Variants in AOPEP observed in about 807,000 individuals in gnomAD.
The protein encoded by AOPEP is aminopeptidase O.
In AOPEP, 77 loss-of-function variants were observed where a neutral mutation model predicts 98.1. The ratio of observed to expected loss-of-function variants is 0.78; its 90% CI spans 0.65 to 0.95. The LOEUF (loss-of-function observed/expected upper bound fraction) is 0.95, where lower values mean the gene tolerates loss of function less well. AOPEP is among the 40% of genes least tolerant of loss of function. AOPEP has a pLI of 0.00. For missense variants in AOPEP, 1,024 were observed against 1,024.7 expected (o/e 1.00, Z 0.01); for synonymous variants, 346 against 365.3 (o/e 0.95, Z 0.60).
intron 5 of AOPEP, among the ~76,000 whole-genome samples, chr9:94,822,850 G>A (rs1853560137): frequency 6.6e-6 from 1 of 152,142 alleles, no homozygotes; most frequent in Admixed American, 6.5e-5. Context: ...TTTTGTAGAT[G>A]AGGAAACTGA....
intron 5 of AOPEP, among the ~76,000 whole-genome samples, chr9:94,834,870 A>G (rs2041390045): frequency 6.6e-6 from 1 of 152,054 alleles, no homozygotes. Flanking sequence ...TAAAACAAAA[A>G]AGATTTTTTA....
At position 95,060,726 on chromosome 9, in the gene AOPEP, G is replaced by A; in HGVS notation, c.2148G>A (p.Glu716=). 2.5e-6 allele frequency: 4 copies of A among 1,614,048 alleles called. No individual in the cohort carries two copies. Among genetic ancestry groups the A allele is most frequent in the Admixed American group, 1.7e-5 (1 of 60,024 alleles). The change falls in exon 14 of 17, where the codon GAG becomes GAA. Residue 716 remains glutamate (E), a synonymous_variant. Transcript: ENST00000375315. ...LLPDQLVLLL[E]HLLEQKTLSP... is the part of the protein sequence containing the mutation. ...CAGACCAGCTGGTCTTGCTTCTGGA[G>A]CATCTCTTGGAGCAGAAGACTCTGA...
At chr9:94,728,100 C>T (rs1004467690) in intron 1 of AOPEP, among the ~76,000 whole-genome samples, 5 of 152,178 alleles carry the variant, frequency 3.3e-5, no homozygotes, top group Non-Finnish European at 7.3e-5. Flanking sequence ...ACAATAGTTG[C>T]ACACAATTTT....
At chr9:95,114,440 C>A in the AOPEP span, 1 of 688,454 alleles carries the variant, frequency 1.5e-6, no homozygotes, top group Non-Finnish European at 2.7e-6. Flanking sequence ...GCCTATTCAT[C>A]CTGACCTGCT....
At chr9:94,732,301 A>C (rs1293144248) in intron 1 of AOPEP, among the ~76,000 whole-genome samples, 2 of 151,486 alleles carry the variant, frequency 1.3e-5, no homozygotes, top group African/African-American at 4.9e-5. Context: ...TTCATCAAGT[A>C]AGAATGGGTA....
the AOPEP span, among the ~76,000 whole-genome samples, chr9:95,103,147 T>TC: frequency 6.6e-6 from 1 of 151,858 alleles, no homozygotes; most frequent in South Asian, 2.1e-4. Context: ...GGGAGGACTG[T>TC]CCCCCGCTCA....
intron 1 of AOPEP, among the ~76,000 whole-genome samples, chr9:94,747,710 T>C (rs947589482): frequency 3.9e-5 from 6 of 152,192 alleles, no homozygotes; most frequent in Non-Finnish European, 7.4e-5. Flanking sequence ...ATTAACTGTT[T>C]AAGGGTACCA....
rs2061099378 is a variant in AOPEP at position 94,994,521 on chromosome 9, C to T, written c.1978-10637C>T. Among the ~76,000 whole-genome samples the T allele has an allele frequency of 2.0e-5, 3 of 152,288 alleles. 1 individual carries two copies. In the South Asian group the frequency reaches 6.2e-4, roughly 32 times the overall value. On this transcript the variant is annotated intron_variant, in intron 11 of 16. Transcript: ENST00000375315. Reference sequence around the variant, plus strand: ...ATTTTACAGATGAAGAAACTGAAAACCAAATCTGTCTGACTTAAAAGCCTT... The same window carrying T: ...ATTTTACAGATGAAGAAACTGAAAATCAAATCTGTCTGACTTAAAAGCCTT...
chr9:94,988,989 A>G (rs1320009086), intron 11 of AOPEP, among the ~76,000 whole-genome samples: 1 of 151,540 alleles, frequency 6.6e-6, no homozygotes, highest in East Asian at 1.9e-4. Flanking sequence ...ACTCACTGCA[A>G]TCTCCGCCTC....
intron 10 of AOPEP, 25 bp downstream of exon 10, chr9:94,967,826 G>C: frequency 6.3e-7 from 1 of 1,587,250 alleles, no homozygotes; most frequent in Middle Eastern, 1.7e-4. Flanking sequence ...AGGAATTTTG[G>C]AATTAAGAGC....
intron 7 of AOPEP, among the ~76,000 whole-genome samples, chr9:94,929,428 C>A (rs2054925941): frequency 6.6e-6 from 1 of 152,252 alleles, no homozygotes. Context: ...AAATGCACCC[C>A]AGGGAGGGAG....
At chr9:95,095,398 C>T in the AOPEP span, among the ~76,000 whole-genome samples, 4 of 152,274 alleles carry the variant, frequency 2.6e-5, no homozygotes, top group South Asian at 4.1e-4. Flanking sequence ...CCTGCCGTCC[C>T]GTTCCCTGTG....
chr9:94,764,232 C>T (rs891179349), intron 2 of AOPEP, among the ~76,000 whole-genome samples: 2 of 152,206 alleles, frequency 1.3e-5, no homozygotes, highest in African/African-American at 4.8e-5. Context: ...AGATACATCC[C>T]AGTCAAGGGA....
At chr9:94,815,075 T>G (rs1851410428) in intron 5 of AOPEP, among the ~76,000 whole-genome samples, 1 of 152,202 alleles carries the variant, frequency 6.6e-6, no homozygotes, top group African/African-American at 2.4e-5. Flanking sequence ...AGGGCTTTCT[T>G]GGTCCCATAT....
the AOPEP span, among the ~76,000 whole-genome samples, chr9:95,117,053 G>A: frequency 6.6e-6 from 1 of 152,200 alleles, no homozygotes; most frequent in African/African-American, 2.4e-5. Flanking sequence ...GTGTTATCTG[G>A]AGGCAGACTA....
intron 7 of AOPEP, among the ~76,000 whole-genome samples, chr9:94,948,431 T>TTTTTTTTTTTTTTTTTTTTGAGACGGA (rs2057846509): frequency 6.6e-6 from 1 of 151,158 alleles, no homozygotes; most frequent in African/African-American, 2.5e-5. Flanking sequence ...TTCTAACTCT[T>TTTTTTTTTTTTTTTTTTTTGAGACGGA]GTAGTTCATC....
intron 5 of AOPEP, among the ~76,000 whole-genome samples, chr9:94,881,915 C>T (rs2047630779): frequency 6.6e-6 from 1 of 152,160 alleles, no homozygotes; most frequent in South Asian, 2.1e-4. Context: ...CTCAGGTTGG[C>T]TCCATTCTGC....
rs2137748247 is a variant in AOPEP, at chr9:94,948,230, G to T, written c.1662-6947G>T. ...CACCATTCCTTAGGCACAGACCTAAGGATCTCCATCCAGGTTATAGCAAAT... is the reference window on the plus strand; with the variant it reads ...CACCATTCCTTAGGCACAGACCTAATGATCTCCATCCAGGTTATAGCAAAT... On this transcript the variant is annotated intron_variant, in intron 7 of 16. Transcript: ENST00000375315. Among the ~76,000 whole-genome samples the T allele has an allele frequency of 2.6e-5, 4 of 152,066 alleles. No homozygotes were observed. In the Middle Eastern group the frequency reaches 0.01, roughly 388 times the overall value.
At chr9:95,044,819 G>T (rs1564566665) in intron 13 of AOPEP, among the ~76,000 whole-genome samples, 1 of 152,124 alleles carries the variant, frequency 6.6e-6, no homozygotes, top group African/African-American at 2.4e-5. Context: ...GTGCCCCTAG[G>T]GCCTGCACTA....
Sources: allele counts gnomAD v4.1 joint callset (sites outside exome capture counted in the v4.1 genomes callset), GRCh38; gene constraint gnomAD v4.1.1; transcripts MANE v1.5; gene names NCBI Gene and HGNC (gene_info 2026-07-23, HGNC 2026-07-21).